Variants in CRACDL observed in about 807,000 individuals in gnomAD.
CRACDL encodes the protein CRACD like, also known as CRACD-like protein.
CRACDL carries 26 observed loss-of-function variants against 70.6 expected under a neutral mutation model. That is an observed-to-expected ratio of 0.37 (90% CI 0.27 to 0.51). The LOEUF (loss-of-function observed/expected upper bound fraction) is 0.51, where lower values mean the gene tolerates loss of function less well. Among genes scored for constraint, CRACDL ranks in the 20% least tolerant of loss-of-function variants. The pLI, the probability that CRACDL is intolerant of heterozygous loss-of-function variation, is 0.94. For missense variants in CRACDL, 1,283 were observed against 1,376.9 expected (o/e 0.93, Z 1.08); for synonymous variants, 618 against 615.2 (o/e 1.00, Z -0.07).
chr2:98,849,867 G>A (rs185007337), intron 1 of CRACDL, among the ~76,000 whole-genome samples: 1 of 152,250 alleles, frequency 6.6e-6, no homozygotes, highest in East Asian at 1.9e-4. Flanking sequence ...GGCAGTCCCG[G>A]GGTGGCATCT....
chr2:98,840,287 T>C lies in CRACDL; in HGVS notation c.71-2000A>G, dbSNP rs150007440. Among the ~76,000 whole-genome samples, 55 of 152,270 alleles carry C rather than the reference T, an allele frequency of 3.6e-4. No homozygotes were observed. In the East Asian group the frequency reaches 8.1e-3, roughly 22 times the overall value. Reference sequence around the variant, plus strand: ...ACGGGTTATTTAGGAAAGTACGTCTTCTTCATTTCCAAGCAGTTGAGGATT... The same window carrying C: ...ACGGGTTATTTAGGAAAGTACGTCTCCTTCATTTCCAAGCAGTTGAGGATT... On this transcript the variant is annotated intron_variant, in intron 2 of 9. Coordinates refer to ENST00000397899, the MANE Select transcript of CRACDL (RefSeq NM_207362.3).
intron 1 of CRACDL, among the ~76,000 whole-genome samples, chr2:98,849,561 A>C (rs999112740): frequency 2.6e-5 from 4 of 151,692 alleles, no homozygotes; most frequent in African/African-American, 9.7e-5. Flanking sequence ...ATGCAGATGT[A>C]GGCGGAGGGC....
At chr2:98,813,285 G>A (rs998727048) in intron 7 of CRACDL, among the ~76,000 whole-genome samples, 75 of 152,108 alleles carry the variant, frequency 4.9e-4, no homozygotes, top group African/African-American at 1.7e-3. Context: ...ACAAAAAATT[G>A]GTCAGGTGTG....
At chr2:98,850,203 T>A (rs1706426354) in intron 1 of CRACDL, among the ~76,000 whole-genome samples, 1 of 152,192 alleles carries the variant, frequency 6.6e-6, no homozygotes, top group Non-Finnish European at 1.5e-5. Flanking sequence ...CACCGCCCAA[T>A]GGGCTCAAAC....
At chr2:98,935,856 C>A (rs1709193422) in intron 1 of CRACDL, 82 bp downstream of exon 1, 1 of 152,244 alleles carries the variant, frequency 6.6e-6, no homozygotes, top group South Asian at 2.1e-4. Flanking sequence ...GCCCGCCCCA[C>A]CTCCGCCCGG....
intron 1 of CRACDL, among the ~76,000 whole-genome samples, chr2:98,850,508 A>G (rs1706439807): frequency 6.6e-6 from 1 of 152,220 alleles, no homozygotes; most frequent in Non-Finnish European, 1.5e-5. Flanking sequence ...CCTCACACGA[A>G]GACAGTGCTT....
intron 1 of CRACDL, among the ~76,000 whole-genome samples, chr2:98,887,155 A>G (rs752155485): frequency 1.3e-5 from 2 of 152,186 alleles, no homozygotes; most frequent in African/African-American, 2.4e-5. Flanking sequence ...AGACAGGTCA[A>G]TTGAGATTAG....
chr2:98,802,236 C>A (rs1159089251), intron 7 of CRACDL, among the ~76,000 whole-genome samples: 2 of 152,266 alleles, frequency 1.3e-5, no homozygotes, highest in Non-Finnish European at 2.9e-5. Flanking sequence ...CATGGAGGAG[C>A]CTGGCCCAAG....
chr2:98,886,483 C>G (rs1707800300), intron 1 of CRACDL, among the ~76,000 whole-genome samples: 1 of 152,152 alleles, frequency 6.6e-6, no homozygotes, highest in African/African-American at 2.4e-5. Context: ...TGAGAAGGCC[C>G]TAACTAAGCT....
At chr2:98,840,419 T>C (rs78095623) in intron 2 of CRACDL, among the ~76,000 whole-genome samples, 5,699 of 152,284 alleles carry the variant, frequency 0.037, 200 homozygotes, top group South Asian at 0.17. Flanking sequence ...TGGCTTACCA[T>C]ATGAACAATT....
At chr2:98,906,173 T>G (rs114035847) in intron 1 of CRACDL, among the ~76,000 whole-genome samples, 5,752 of 152,254 alleles carry the variant, frequency 0.038, 361 homozygotes, top group African/African-American at 0.13. Flanking sequence ...TTTATTGATT[T>G]GTCTTCAAGC....
At chr2:98,824,288 C>A (rs1423212304) in intron 6 of CRACDL, among the ~76,000 whole-genome samples, 1 of 146,684 alleles carries the variant, frequency 6.8e-6, no homozygotes, top group Non-Finnish European at 1.5e-5. Context: ...CTCTCCCCCA[C>A]CCCCCTGCCC....
chr2:98,905,738 C>G (rs1171008915), intron 1 of CRACDL, among the ~76,000 whole-genome samples: 1 of 151,998 alleles, frequency 6.6e-6, no homozygotes, highest in Non-Finnish European at 1.5e-5. Context: ...CTGCCTCATC[C>G]TCCCGAGTAG....
intron 7 of CRACDL, among the ~76,000 whole-genome samples, chr2:98,803,962 G>A (rs1315194593): frequency 2.6e-5 from 4 of 152,070 alleles, no homozygotes; most frequent in African/African-American, 4.8e-5. Context: ...ACACCACTGC[G>A]GCAGGGTTTG....
chr2:98,935,710 T>C (rs752539392), intron 1 of CRACDL, among the ~76,000 whole-genome samples: 16 of 152,160 alleles, frequency 1.1e-4, no homozygotes, highest in Admixed American at 2.6e-4. Flanking sequence ...AAGGGAAACT[T>C]TGGGCACTTG....
At chr2:98,850,773 A>T (rs1302982195) in intron 1 of CRACDL, among the ~76,000 whole-genome samples, 2 of 152,184 alleles carry the variant, frequency 1.3e-5, no homozygotes, top group Non-Finnish European at 2.9e-5. Flanking sequence ...AATCCAAGGG[A>T]GTCCTGCATC....
At chr2:98,829,789 G>A (rs1255420488) in intron 5 of CRACDL, among the ~76,000 whole-genome samples, 2 of 152,210 alleles carry the variant, frequency 1.3e-5, no homozygotes, top group Non-Finnish European at 2.9e-5. Flanking sequence ...CTGAGGAGTG[G>A]GCTGGGGGCA....
At position 98,822,590 on chromosome 2, in the gene CRACDL, C is replaced by T. The variant is rs1370915722; in HGVS notation, c.1683G>A (p.Ala561=). Residue 561 remains alanine, a synonymous_variant, in exon 7 of 10, where the codon GCG becomes GCA. Transcript: ENST00000397899. The surrounding 1 kb of genome is among the most constrained non-coding windows in gnomAD (Gnocchi z 4.9). ...GAERAAPERK[A]ERGGAELRGA... ...CTCGCAGCTCGGCACCGCCCCTCTC[C>T]GCCTTCCGCTCTGGCGCCGCCCTCT... The T allele has an allele frequency of 2.8e-6, 4 of 1,437,876 alleles. No homozygotes were observed. Among genetic ancestry groups the T allele is most frequent in the African/African-American group, 1.5e-5 (1 of 67,112 alleles). The allele number at this position is 1,437,876 out of a possible 1,614,324, so 89.1% of individuals were successfully genotyped here.
intron 1 of CRACDL, among the ~76,000 whole-genome samples, chr2:98,874,797 T>C (rs908147371): frequency 1.1e-4 from 16 of 152,186 alleles, no homozygotes; most frequent in Non-Finnish European, 5.9e-5. Flanking sequence ...CAAATGCTGG[T>C]GTTTCTACAA....
Sources: allele counts gnomAD v4.1 joint callset (sites outside exome capture counted in the v4.1 genomes callset), GRCh38; gene constraint gnomAD v4.1.1; non-coding constraint Gnocchi (gnomAD v3.1); transcripts MANE v1.5; gene names NCBI Gene and HGNC (gene_info 2026-07-23, HGNC 2026-07-21).